SLCO3A1: variants seen among roughly 807,000 people sequenced by gnomAD.
SLCO3A1 encodes PGE1 transporter.
Under a neutral mutation model 63.1 loss-of-function variants are expected in SLCO3A1, and 27 were observed. The observed-to-expected ratio is 0.43, with a 90% CI of 0.32 to 0.59. The LOEUF (loss-of-function observed/expected upper bound fraction) is 0.59. Among genes scored for constraint, SLCO3A1 ranks in the 20% least tolerant of loss-of-function variants. SLCO3A1 has a pLI of 0.09. For synonymous variants in SLCO3A1, 473 were observed against 409.9 expected (o/e 1.15, Z -1.86); for missense variants, 773 against 945.8 (o/e 0.82, Z 2.40).
intron 7 of SLCO3A1, among the ~76,000 whole-genome samples, chr15:92,136,911 G>A (rs1212438842): frequency 6.9e-6 from 1 of 143,962 alleles, no homozygotes; most frequent in Non-Finnish European, 1.5e-5. Context: ...CATAAGGGAT[G>A]TTCTTCTACC....
intron 2 of SLCO3A1, among the ~76,000 whole-genome samples, chr15:92,013,870 G>A (rs1032800496): frequency 2.0e-5 from 3 of 152,114 alleles, no homozygotes; most frequent in African/African-American, 7.3e-5. Context: ...TTCTCACCTT[G>A]TGAGATTGCT....
At chr15:92,155,603 G>A (rs900093258) in intron 9 of SLCO3A1, among the ~76,000 whole-genome samples, 1 of 150,464 alleles carries the variant, frequency 6.6e-6, no homozygotes, top group Non-Finnish European at 1.5e-5. Context: ...AGCAGGGCAT[G>A]AGGTTTAGCA....
intron 2 of SLCO3A1, among the ~76,000 whole-genome samples, chr15:91,925,889 A>T (rs1160078436): frequency 6.6e-6 from 1 of 152,154 alleles, no homozygotes; most frequent in Non-Finnish European, 1.5e-5. Flanking sequence ...TAGTCACTTG[A>T]ACACATAAAT....
intron 2 of SLCO3A1, among the ~76,000 whole-genome samples, chr15:91,981,436 C>T (rs2045984410): frequency 6.6e-6 from 1 of 152,288 alleles, no homozygotes. Context: ...GCTCCAGCCA[C>T]TCCAGACTCC....
intron 1 of SLCO3A1, among the ~76,000 whole-genome samples, chr15:91,858,677 C>G (rs1236876256): frequency 2.0e-5 from 3 of 152,222 alleles, no homozygotes; most frequent in Admixed American, 2.0e-4. Context: ...ATTTGCAGCT[C>G]ATCTTGGGTG....
chr15:91,891,467 C>T (rs1343743225), intron 1 of SLCO3A1, among the ~76,000 whole-genome samples: 1 of 152,172 alleles, frequency 6.6e-6, no homozygotes, highest in Admixed American at 6.5e-5. Context: ...CCTTCTGTTG[C>T]AACTGCATCC....
chr15:91,895,099 A>G (rs1360683963), intron 1 of SLCO3A1, among the ~76,000 whole-genome samples: 4 of 152,198 alleles, frequency 2.6e-5, no homozygotes, highest in Admixed American at 1.3e-4. Flanking sequence ...CTTCAAGTCC[A>G]ATCTTTAGAA....
chr15:92,172,191 C>G (rs1010757075), exon 11 of SLCO3A1: 1 of 232,048 alleles, frequency 4.3e-6, no homozygotes, highest in Non-Finnish European at 8.4e-6. Flanking sequence ...TTAGAAACTC[C>G]CCTCTTGGGA....
chr15:92,050,065 C>T (rs893266874), intron 2 of SLCO3A1, among the ~76,000 whole-genome samples: 1 of 152,186 alleles, frequency 6.6e-6, no homozygotes, highest in Non-Finnish European at 1.5e-5. Flanking sequence ...GCCTCATGAC[C>T]GGGTGACCAA....
intron 9 of SLCO3A1, chr15:92,153,643 T>C (rs1274429911): frequency 6.6e-6 from 1 of 152,142 alleles, no homozygotes; most frequent in Non-Finnish European, 1.5e-5. Context: ...AAGATTCGAG[T>C]TGGCACAGGT....
At chr15:91,933,842 C>G (rs1447630961) in intron 2 of SLCO3A1, among the ~76,000 whole-genome samples, 1 of 152,154 alleles carries the variant, frequency 6.6e-6, no homozygotes, top group Non-Finnish European at 1.5e-5. Context: ...TGTTAAATGC[C>G]ACATTACACT....
At chr15:91,928,998 C>T (rs1427432368) in intron 2 of SLCO3A1, among the ~76,000 whole-genome samples, 1 of 151,974 alleles carries the variant, frequency 6.6e-6, no homozygotes, top group Admixed American at 6.6e-5. Context: ...TAGACGCCAG[C>T]GGGGACAAAA....
At chr15:92,056,691 C>T (rs1379913758) in intron 2 of SLCO3A1, among the ~76,000 whole-genome samples, 1 of 152,160 alleles carries the variant, frequency 6.6e-6, no homozygotes, top group East Asian at 1.9e-4. Flanking sequence ...CTGTTCAGAC[C>T]TTCACCGCTC....
intron 2 of SLCO3A1, among the ~76,000 whole-genome samples, chr15:91,998,551 A>C (rs1044488193): frequency 6.6e-6 from 1 of 152,212 alleles, no homozygotes; most frequent in African/African-American, 2.4e-5. Flanking sequence ...GCTCAGCATC[A>C]CTAATTATCA....
chr15:91,954,537 C>T lies in SLCO3A1; in HGVS notation c.646+38079C>T, dbSNP rs1461703946. 6.6e-6 allele frequency among the ~76,000 whole-genome samples: 1 copy of T among 152,152 alleles called. No individual in the cohort carries two copies. Among genetic ancestry groups the T allele is most frequent in the African/African-American group, 2.4e-5 (1 of 41,420 alleles). ...GAGAGTGATGAACAGCCTACCTGGT[C>T]AGGTGCCCCGCAGGCTTTCCTGAGA... On this transcript the variant is annotated intron_variant, in intron 2 of 9. Coordinates refer to ENST00000318445, the MANE Select transcript of SLCO3A1 (RefSeq NM_013272.4). The surrounding 1 kb of genome is among the most constrained non-coding windows in gnomAD (Gnocchi z 4.7).
intron 2 of SLCO3A1, among the ~76,000 whole-genome samples, chr15:92,078,675 T>G (rs1264763243): frequency 6.6e-6 from 1 of 152,254 alleles, no homozygotes; most frequent in Non-Finnish European, 1.5e-5. Context: ...TTTGTTTTTA[T>G]TTCAGCTTCC....
intron 2 of SLCO3A1, among the ~76,000 whole-genome samples, chr15:91,957,040 AGT>A (rs1465600354): frequency 6.3e-5 from 1 of 15,808 alleles, no homozygotes; most frequent in African/African-American, 4.7e-4. Flanking sequence ...TATAATATAT[AGT>A]ATATATATAA....
chr15:91,999,706 TG>T (rs2046230946), intron 2 of SLCO3A1, among the ~76,000 whole-genome samples: 1 of 152,202 alleles, frequency 6.6e-6, no homozygotes, highest in Non-Finnish European at 1.5e-5. Context: ...GCAGGAGGAT[TG>T]CTTGAGCCCA....
intron 2 of SLCO3A1, among the ~76,000 whole-genome samples, chr15:92,012,091 CAG>C (rs1356596998): frequency 2.0e-5 from 3 of 152,244 alleles, no homozygotes; most frequent in Non-Finnish European, 4.4e-5. Flanking sequence ...CGGAGCCCTG[CAG>C]AGCCTCGGGC....
Sources: allele counts gnomAD v4.1 joint callset (sites outside exome capture counted in the v4.1 genomes callset), GRCh38; gene constraint gnomAD v4.1.1; non-coding constraint Gnocchi (gnomAD v3.1); transcripts MANE v1.5; gene names NCBI Gene and HGNC (gene_info 2026-07-23, HGNC 2026-07-21).